CDH23: variants seen among roughly 807,000 people sequenced by gnomAD.
CDH23 encodes cadherin related 23, also known as cadherin-23.
In CDH23, 189 loss-of-function variants were observed where a neutral mutation model predicts 317.1. The ratio of observed to expected loss-of-function variants is 0.60; its 90% confidence interval spans 0.53 to 0.67. The LOEUF (loss-of-function observed/expected upper bound fraction) is 0.67. Ranked by LOEUF, CDH23 falls within the 30% of genes least tolerant of loss-of-function variation. The pLI is 0.00. For missense variants in CDH23, 4,401 were observed against 4,592.4 expected, an observed-to-expected ratio of 0.96 and a Z score of 1.20; for synonymous variants, 1,839 against 1,876.8, an observed-to-expected ratio of 0.98 and a Z score of 0.52.
At chr10:71,519,860 C>G (rs939700060) in intron 6 of CDH23, among the ~76,000 whole-genome samples, 26 of 151,670 alleles carry the variant, frequency 1.7e-4, no homozygotes, top group African/African-American at 6.1e-4. Flanking sequence ...GTGATCACAG[C>G]TCACTGCAGC....
rs554729389 is a variant in CDH23, at chr10:71,457,419, C to T, written c.145+11024C>T. Among the ~76,000 whole-genome samples the T allele has an allele frequency of 4.2e-3, 635 of 152,294 alleles. 2 individuals carry two copies. The highest frequency in any genetic ancestry group is 7.0e-3 in the Non-Finnish European group (475 of 68,030). On this transcript the variant is annotated intron_variant, in intron 3 of 69. Coordinates refer to ENST00000224721, the MANE Select transcript of CDH23 (RefSeq NM_022124.6). ...TGCCCAAGGTCCCATAGCCAGTAAG[C>T]AGTAGAGTCAGGATTTGAATTCCAC...
chr10:71,667,357 A>AGTGTGTGTGT (rs1174912824), intron 14 of CDH23, among the ~76,000 whole-genome samples: 23 of 90,820 alleles, frequency 2.5e-4, no homozygotes, highest in Non-Finnish European at 4.8e-5. Context: ...AAAGAGAGAG[A>AGTGTGTGTGT]GAGTGTGTGT....
At chr10:71,563,746 C>CTT (rs374816063) in intron 6 of CDH23, among the ~76,000 whole-genome samples, 3 of 139,818 alleles carry the variant, frequency 2.1e-5, no homozygotes, top group South Asian at 2.3e-4. Context: ...TTTCTTTTTT[C>CTT]TTTTTTTTTT....
At chr10:71,768,973 C>T (rs1241826435) in intron 38 of CDH23, among the ~76,000 whole-genome samples, 1 of 152,160 alleles carries the variant, frequency 6.6e-6, no homozygotes, top group East Asian at 1.9e-4. Flanking sequence ...AGGTCTGGTG[C>T]CATCTGACTA....
At chr10:71,780,916 G>A (rs1233714929) in intron 41 of CDH23, among the ~76,000 whole-genome samples, 2 of 152,140 alleles carry the variant, frequency 1.3e-5, no homozygotes, top group Non-Finnish European at 2.9e-5. Context: ...AGTAGGATGT[G>A]CTAACTGATT....
At chr10:71,662,081 C>A (rs1008389577) in intron 14 of CDH23, among the ~76,000 whole-genome samples, 22 of 151,364 alleles carry the variant, frequency 1.5e-4, no homozygotes, top group Non-Finnish European at 2.7e-4. Context: ...ATATTTCCCG[C>A]GTGGGACTTT....
intron 3 of CDH23, among the ~76,000 whole-genome samples, chr10:71,479,633 GCCTCACATCTTACC>G (rs1851970258): frequency 6.6e-6 from 1 of 152,188 alleles, no homozygotes; most frequent in African/African-American, 2.4e-5. Context: ...CTCCTGGGAA[GCCTCACATCTTACC>G]CAGGTTATTG....
intron 20 of CDH23, among the ~76,000 whole-genome samples, chr10:71,691,322 A>G (rs1486691955): frequency 6.6e-6 from 1 of 152,194 alleles, no homozygotes; most frequent in Non-Finnish European, 1.5e-5. Context: ...ATGTTCATTT[A>G]TTCATATGTT....
At chr10:71,510,904 G>A in intron 4 of CDH23, 50 bp from the exon 5 acceptor site, 2 of 1,600,638 alleles carry the variant, frequency 1.2e-6, no homozygotes, top group Non-Finnish European at 1.7e-6. Context: ...CAGGACCCAG[G>A]ACCTCAGCAC....
At chr10:71,687,295 G>C (rs1426832763) in intron 18 of CDH23, among the ~76,000 whole-genome samples, 2 of 152,226 alleles carry the variant, frequency 1.3e-5, no homozygotes, top group Non-Finnish European at 2.9e-5. Context: ...AGCTGGGGGT[G>C]TGAGTGCTGG....
At chr10:71,452,077 G>A (rs184738175) in intron 3 of CDH23, among the ~76,000 whole-genome samples, 24 of 152,330 alleles carry the variant, frequency 1.6e-4, no homozygotes, top group African/African-American at 5.1e-4. Flanking sequence ...CAAGGCCCGC[G>A]CTGTGCCAGA....
intron 11 of CDH23, among the ~76,000 whole-genome samples, chr10:71,637,251 C>T (rs1046098444): frequency 2.1e-4 from 32 of 152,136 alleles, no homozygotes; most frequent in Admixed American, 1.2e-3. Flanking sequence ...CTGCGCCCCA[C>T]GCCCAGGGTG....
intron 6 of CDH23, among the ~76,000 whole-genome samples, chr10:71,564,098 C>G (rs906085271): frequency 6.6e-6 from 1 of 152,204 alleles, no homozygotes; most frequent in Admixed American, 6.5e-5. Flanking sequence ...GGGAGTCTAA[C>G]TCAGAATTCA....
At position 71,695,521 on chromosome 10, in the gene CDH23, C is replaced by T. The variant is rs962011857; in HGVS notation, c.2393C>T (p.Thr798Ile). The change falls in exon 22 of 70, where the codon ACC (threonine) becomes ATC (isoleucine). Residue 798 changes from threonine (T) to isoleucine (I), a missense_variant. Thr to Ile is a moderately conservative substitution (Grantham distance 89). Coordinates refer to ENST00000224721, the MANE Select transcript of CDH23 (RefSeq NM_022124.6). ...VEMTPPDSDV[T>I]TVVAVDPDLG... Reference sequence around the variant, plus strand: ...ATGACCCCTCCAGACTCTGATGTGACCACGGTAGGTGGTGGCAGAGCAGCA... The same window carrying T: ...ATGACCCCTCCAGACTCTGATGTGATCACGGTAGGTGGTGGCAGAGCAGCA... 6.2e-7 allele frequency: 1 copy of T among 1,605,230 alleles called. No homozygotes were observed. The highest frequency in any genetic ancestry group is 8.5e-7 in the Non-Finnish European group (1 of 1,171,892).
chr10:71,674,332 A>G (rs1237088851), intron 14 of CDH23, among the ~76,000 whole-genome samples: 1 of 152,236 alleles, frequency 6.6e-6, no homozygotes, highest in Non-Finnish European at 1.5e-5. Context: ...GAACCTCAAA[A>G]ATATTGAGCG....
intron 6 of CDH23, among the ~76,000 whole-genome samples, chr10:71,523,558 G>A (rs779266721): frequency 1.3e-5 from 2 of 152,186 alleles, no homozygotes; most frequent in Non-Finnish European, 1.5e-5. Context: ...TTTCCACGGA[G>A]CCACACTCGG....
At chr10:71,481,151 T>C (rs1852043728) in intron 3 of CDH23, among the ~76,000 whole-genome samples, 1 of 152,100 alleles carries the variant, frequency 6.6e-6, no homozygotes, top group Admixed American at 6.5e-5. Flanking sequence ...CCCATTTTCA[T>C]GGCTGGAGGG....
chr10:71,730,055 C>T (rs549547680), intron 30 of CDH23, among the ~76,000 whole-genome samples: 4 of 152,182 alleles, frequency 2.6e-5, no homozygotes, highest in African/African-American at 7.2e-5. Flanking sequence ...AGGATGGTCT[C>T]GATCTTCTGA....
intron 9 of CDH23, among the ~76,000 whole-genome samples, chr10:71,583,126 G>T (rs551387166): frequency 6.6e-6 from 1 of 152,100 alleles, no homozygotes; most frequent in Non-Finnish European, 1.5e-5. Context: ...GGAATTTGCC[G>T]GAAAGAGGGG....
Sources: allele counts gnomAD v4.1 joint callset (sites outside exome capture counted in the v4.1 genomes callset), GRCh38; gene constraint gnomAD v4.1.1; transcripts MANE v1.5; gene names NCBI Gene and HGNC (gene_info 2026-07-23, HGNC 2026-07-21).